Variants in HMGB1 observed in about 807,000 individuals in gnomAD.
HMGB1 encodes high mobility group protein B1.
For missense variants in HMGB1, 79 were observed against 253.5 expected, an observed-to-expected ratio of 0.31 and a Z score of 4.67; for synonymous variants, 81 against 84.0, an observed-to-expected ratio of 0.96 and a Z score of 0.19.
intron 1 of HMGB1, among the ~76,000 whole-genome samples, chr13:30,517,906 T>C (rs1888136311): frequency 6.6e-6 from 1 of 152,228 alleles, no homozygotes; most frequent in Non-Finnish European, 1.5e-5. Context: ...AGGAGAACAC[T>C]GGAAACTATA....
chr13:30,605,024 T>C (rs896420149), intron 1 of HMGB1, among the ~76,000 whole-genome samples: 7 of 152,054 alleles, frequency 4.6e-5, no homozygotes, highest in African/African-American at 1.2e-4. Flanking sequence ...GAGGGGAAAA[T>C]AGGAATCAGA....
At chr13:30,611,222 G>A (rs541678835) in intron 1 of HMGB1, among the ~76,000 whole-genome samples, 2 of 152,084 alleles carry the variant, frequency 1.3e-5, no homozygotes, top group Non-Finnish European at 2.9e-5. Flanking sequence ...ACGCAGTCTC[G>A]CTTTATTGCC....
At chr13:30,475,525 T>TAA (rs148513243) in intron 1 of HMGB1, among the ~76,000 whole-genome samples, 30 of 131,504 alleles carry the variant, frequency 2.3e-4, no homozygotes, top group East Asian at 2.0e-3. Context: ...AGACCATCTC[T>TAA]AAAAAAAAAA....
At chr13:30,525,411 G>A (rs912039726) in intron 1 of HMGB1, among the ~76,000 whole-genome samples, 8 of 152,186 alleles carry the variant, frequency 5.3e-5, no homozygotes, top group Non-Finnish European at 8.8e-5. Flanking sequence ...GTGAACCACA[G>A]CAAAGGAAGA....
chr13:30,543,117 G>GT (rs141061407), intron 1 of HMGB1: 1,021 of 84,212 alleles, frequency 0.012, 52 homozygotes, highest in African/African-American at 0.042. Context: ...CCTGTTCCAG[G>GT]TTTTTTTTTT....
At chr13:30,510,462 A>C (rs1291971459) in intron 1 of HMGB1, among the ~76,000 whole-genome samples, 1 of 152,240 alleles carries the variant, frequency 6.6e-6, no homozygotes, top group Non-Finnish European at 1.5e-5. Flanking sequence ...CTGGGAAAAA[A>C]AAGAAAGGAT....
Position 30,562,773 on chromosome 13 carries a change from C to G in HMGB1, c.-15+53898G>C, listed in dbSNP as rs114249164. 4.4e-3 allele frequency among the ~76,000 whole-genome samples: 674 copies of G among 152,274 alleles called. 5 individuals are homozygous for G. Among genetic ancestry groups the G allele is most frequent in the African/African-American group, 0.016 (650 of 41,554 alleles). ...GGCGCTGGGTTGGTTGGAGACGGTA[C>G]GGTATTACTATTACAATGGCAGACG... is the stretch of plus-strand genomic sequence containing the variant. On this transcript the variant is annotated intron_variant, in intron 1 of 4. Transcript: ENST00000405805.
intron 1 of HMGB1, among the ~76,000 whole-genome samples, chr13:30,606,584 G>A (rs1156373772): frequency 6.6e-6 from 1 of 152,180 alleles, no homozygotes; most frequent in African/African-American, 2.4e-5. Context: ...TGTCAAATAT[G>A]CCTACATGAC....
At chr13:30,477,915 T>C (rs896443825) in intron 1 of HMGB1, among the ~76,000 whole-genome samples, 3 of 151,992 alleles carry the variant, frequency 2.0e-5, no homozygotes, top group South Asian at 4.1e-4. Context: ...TGCTAACCCA[T>C]ACCTGAAGGT....
chr13:30,612,192 C>T (rs1212356872), intron 1 of HMGB1, among the ~76,000 whole-genome samples: 1 of 152,022 alleles, frequency 6.6e-6, no homozygotes, highest in Non-Finnish European at 1.5e-5. Flanking sequence ...TGTATATATA[C>T]ATATACACAT....
chr13:30,502,840 T>A (rs912610933), intron 1 of HMGB1, among the ~76,000 whole-genome samples: 1 of 151,898 alleles, frequency 6.6e-6, no homozygotes, highest in African/African-American at 2.4e-5. Flanking sequence ...CATACCCGGC[T>A]AATTTTTGTA....
At chr13:30,503,269 G>A (rs1021712902) in intron 1 of HMGB1, among the ~76,000 whole-genome samples, 15 of 152,002 alleles carry the variant, frequency 9.9e-5, no homozygotes, top group African/African-American at 2.4e-4. Flanking sequence ...GCGTGAACCC[G>A]GGAGGTGGAG....
intron 1 of HMGB1, among the ~76,000 whole-genome samples, chr13:30,518,049 G>A (rs1275144307): frequency 1.3e-5 from 2 of 152,166 alleles, no homozygotes; most frequent in African/African-American, 4.8e-5. Context: ...TCTTATATCT[G>A]GCTGGGTGTG....
rs398022159 is a variant in HMGB1 at position 30,458,331 on chromosome 13, G to GTTTTTTTTTTTTTTTTTTTT, written c.*3025_*3026insAAAAAAAAAAAAAAAAAAAA. 7.3e-6 allele frequency: 1 copy of GTTTTTTTTTTTTTTTTTTTT among 137,034 alleles called. No individual in the cohort carries two copies. The highest frequency in any genetic ancestry group is 2.8e-5 in the African/African-American group (1 of 36,242). 8.5% of individuals were successfully genotyped at this position (137,034 alleles called of 1,614,324 possible). ...TTCAAAAACCAGTTGTCTCTCCTGT[G>GTTTTTTTTTTTTTTTTTTTT]TTTTTTTTTTTTTTTTGAGATGGAG... On this transcript the variant is annotated 3_prime_UTR_variant, in exon 5 of 5. Coordinates refer to ENST00000341423, the MANE Select transcript of HMGB1 (RefSeq NM_002128.7).
At chr13:30,480,254 C>T (rs1167199145) in intron 1 of HMGB1, among the ~76,000 whole-genome samples, 3 of 152,134 alleles carry the variant, frequency 2.0e-5, no homozygotes, top group East Asian at 1.9e-4. Flanking sequence ...AATATGTATT[C>T]GTTAAATTCA....
At chr13:30,461,572 A>G in intron 4 of HMGB1, 39 bp from the exon 5 acceptor site, 3 of 1,569,974 alleles carry the variant, frequency 1.9e-6, no homozygotes, top group Non-Finnish European at 2.6e-6. Flanking sequence ...TAGGGAAGAA[A>G]AAAACATTAA....
intron 1 of HMGB1, among the ~76,000 whole-genome samples, chr13:30,531,950 A>C (rs1294822384): frequency 1.3e-5 from 2 of 151,998 alleles, no homozygotes; most frequent in East Asian, 3.9e-4. Context: ...ATTTTACAAA[A>C]CAGAAATCTA....
At chr13:30,534,177 C>T (rs922241056) in intron 1 of HMGB1, among the ~76,000 whole-genome samples, 1 of 152,144 alleles carries the variant, frequency 6.6e-6, no homozygotes, top group Non-Finnish European at 1.5e-5. Flanking sequence ...TCTTTATCTC[C>T]CTAGGTTGGT....
At chr13:30,472,515 C>T (rs1243004187) in intron 1 of HMGB1, among the ~76,000 whole-genome samples, 4 of 152,274 alleles carry the variant, frequency 2.6e-5, no homozygotes, top group Middle Eastern at 3.4e-3. Context: ...GCATGAGAAT[C>T]GCTTGAACCT....
Sources: gnomAD v4.1 joint callset for allele counts (sites outside exome capture counted in the v4.1 genomes callset) on GRCh38, gnomAD v4.1.1 for gene constraint, MANE v1.5 for transcripts, NCBI Gene and HGNC (gene_info 2026-07-23, HGNC 2026-07-21) for gene names.